ZFYVE28: variants seen among roughly 807,000 people sequenced by gnomAD.
ZFYVE28 encodes the protein lateral signaling target protein 2 homolog.
A neutral mutation model predicts 82.1 loss-of-function variants in ZFYVE28; 40 were observed. That is an observed-to-expected ratio of 0.49 (90% CI 0.38 to 0.63). ZFYVE28 has a LOEUF of 0.63. Ranked by LOEUF, ZFYVE28 falls within the 30% of genes least tolerant of loss-of-function variation. The pLI is 0.00. For synonymous variants in ZFYVE28, 612 were observed against 546.1 expected (o/e 1.12, Z -1.68); for missense variants, 1,321 against 1,242.1 (o/e 1.06, Z -0.96).
chr4:2,326,921 T>A (rs1719922289), intron 6 of ZFYVE28, among the ~76,000 whole-genome samples: 3 of 152,018 alleles, frequency 2.0e-5, no homozygotes, highest in Admixed American at 6.6e-5. Flanking sequence ...GTCCTAACAG[T>A]TTTTTTGGTG....
chr4:2,283,544 ATCCATCCATCCAACCATCCAACCG>A (rs1712272007), intron 8 of ZFYVE28, among the ~76,000 whole-genome samples: 1 of 150,774 alleles, frequency 6.6e-6, no homozygotes. Flanking sequence ...CCATCCATCC[ATCCATCCATCCAACCATCCAACCG>A]TCCATCCACC....
intron 1 of ZFYVE28, among the ~76,000 whole-genome samples, chr4:2,356,855 G>A (rs991074607): frequency 3.3e-5 from 5 of 152,174 alleles, no homozygotes; most frequent in Non-Finnish European, 7.3e-5. Context: ...ATGAGCAACT[G>A]GGCCCTTGAC....
At chr4:2,403,427 C>A (rs1731414198) in intron 1 of ZFYVE28, among the ~76,000 whole-genome samples, 1 of 152,372 alleles carries the variant, frequency 6.6e-6, no homozygotes, top group South Asian at 2.1e-4. Context: ...CGGAGCACGG[C>A]CCTGGCCATC....
chr4:2,349,309 T>C (rs914927338), intron 2 of ZFYVE28, among the ~76,000 whole-genome samples: 3 of 139,738 alleles, frequency 2.1e-5, no homozygotes, highest in Admixed American at 1.6e-4. Flanking sequence ...TAGGTGGGAA[T>C]TGAACAATGA....
intron 2 of ZFYVE28, chr4:2,342,652 GTA>G (rs1277166888): frequency 6.6e-6 from 1 of 152,196 alleles, no homozygotes. Context: ...AACACTTTGT[GTA>G]TATGAGGGAG....
chr4:2,328,991 T>C lies in ZFYVE28; in HGVS notation c.701+6714A>G, dbSNP rs2108845008. The C allele has an allele frequency of 8.1e-6, 5 of 620,076 alleles. No individual in the cohort carries two copies. In the South Asian group the frequency reaches 9.2e-5, roughly 11 times the overall value. 38.4% of individuals were successfully genotyped at this position (620,076 alleles called of 1,614,324 possible). A position where few individuals can be genotyped will look rare whatever the true frequency, so the allele number is the denominator to read the frequency against. Reference sequence around the variant, plus strand: ...TTTATTCCATTGGTCTATACATCTATCTTTATGCCAGTACCATAAGGTTTT... The same window carrying C: ...TTTATTCCATTGGTCTATACATCTACCTTTATGCCAGTACCATAAGGTTTT... On this transcript the variant is annotated intron_variant, in intron 6 of 12. Transcript: ENST00000290974.
intron 1 of ZFYVE28, among the ~76,000 whole-genome samples, chr4:2,413,123 T>C (rs1732692471): frequency 6.6e-6 from 1 of 152,186 alleles, no homozygotes; most frequent in Admixed American, 6.5e-5. Flanking sequence ...TTAATTGCCC[T>C]GCAAATGCCG....
rs372260747 is a variant in ZFYVE28 at position 2,341,629 on chromosome 4, C to G, written c.181-14G>C. On this transcript the variant is annotated splice_polypyrimidine_tract_variant and intron_variant, in intron 2 of 12. Transcript: ENST00000290974. This position sits in a 1 kb window ranked among gnomAD's most constrained non-coding sequence, Gnocchi z 4.5. ...CAACACATTGTCCTGAAACAGAAGA[C>G]AGGAGAAAGTGCGCCAATCGCTGTG... The G allele has an allele frequency of 6.3e-7, 1 of 1,597,238 alleles. No individual in the cohort carries two copies. Among genetic ancestry groups the G allele is most frequent in the African/African-American group, 1.3e-5 (1 of 74,662 alleles).
At chr4:2,351,967 C>G (rs1337884581) in intron 2 of ZFYVE28, among the ~76,000 whole-genome samples, 1 of 152,214 alleles carries the variant, frequency 6.6e-6, no homozygotes, top group Non-Finnish European at 1.5e-5. Flanking sequence ...AATTATCCCT[C>G]AGTACACGCA....
chr4:2,368,294 C>T (rs1054473894), intron 1 of ZFYVE28, among the ~76,000 whole-genome samples: 17 of 151,504 alleles, frequency 1.1e-4, no homozygotes, highest in African/African-American at 1.9e-4. Flanking sequence ...CTCAGCTACT[C>T]AGGAGGCTGA....
chr4:2,306,643 G>A (rs1187753271), intron 7 of ZFYVE28, among the ~76,000 whole-genome samples: 1 of 152,188 alleles, frequency 6.6e-6, no homozygotes. Flanking sequence ...CTTTTAAAAT[G>A]TCATTAGAAA....
intron 8 of ZFYVE28, among the ~76,000 whole-genome samples, chr4:2,291,133 G>A (rs766400854): frequency 1.3e-5 from 2 of 152,190 alleles, no homozygotes; most frequent in Non-Finnish European, 2.9e-5. Context: ...AAAGCTCTCT[G>A]AACAGAAGCC....
At chr4:2,302,872 C>T (rs1577981186) in intron 8 of ZFYVE28, among the ~76,000 whole-genome samples, 1 of 152,218 alleles carries the variant, frequency 6.6e-6, no homozygotes, top group Non-Finnish European at 1.5e-5. Context: ...AGGTCACACA[C>T]CACAGATGTT....
chr4:2,336,813 G>GT (rs2108856315), intron 5 of ZFYVE28, among the ~76,000 whole-genome samples: 1 of 117,134 alleles, frequency 8.5e-6, no homozygotes, highest in South Asian at 3.2e-4. Context: ...GAGGTGAGGA[G>GT]GTGTGGATTG....
rs150242683 is a variant in ZFYVE28 at position 2,273,268 on chromosome 4, G to A, written c.2228C>T (p.Thr743Met). ...ACTTCTCAGGTCACTGGCATAGTTC[G>A]TCTGCAGCTGGTCAGCCACACCTGA... is the stretch of plus-strand genomic sequence containing the variant. Reference protein sequence around the residue: ...CISGVADQLQTNYASDLRSIL... With the variant: ...CISGVADQLQMNYASDLRSIL... Residue 743 changes from threonine to methionine, a missense_variant, in exon 10 of 13, where the codon ACG becomes ATG. Coordinates refer to ENST00000290974, the MANE Select transcript of ZFYVE28 (RefSeq NM_020972.3). 245 of 1,612,572 alleles carry A rather than the reference G, an allele frequency of 1.5e-4. No homozygotes were observed. The highest frequency in any genetic ancestry group is 3.3e-4 in the Middle Eastern group (2 of 6,074).
Position 2,354,049 on chromosome 4 carries a change from G to A in ZFYVE28, c.64C>T (p.Arg22Trp), listed in dbSNP as rs1724878257. ...AGCTCCTCGTCGGCATAGTAGAACC[G>A]GGCAAGCAGCTGCGGATCCGACCTC... is the stretch of plus-strand genomic sequence containing the variant. ...PKRSDPQLLARFYYADEELNQ... is the reference protein window; with the variant it reads ...PKRSDPQLLAWFYYADEELNQ... Residue 22 changes from arginine (R) to tryptophan (W), a missense_variant, in exon 2 of 13, where the codon CGG becomes TGG. Physicochemically the swap from Arg to Trp is moderately radical, Grantham distance 101 (BLOSUM62 -3). Around this residue, in one of 2 missense-constraint regions of ZFYVE28, gnomAD observed 343 missense variants for 408.4 expected, o/e 0.84. Transcript: ENST00000290974. 7.6e-6 allele frequency: 12 copies of A among 1,574,094 alleles called. No individual in the cohort carries two copies. Among genetic ancestry groups the A allele is most frequent in the African/African-American group, 1.4e-5 (1 of 73,154 alleles).
At chr4:2,302,098 G>T (rs1399686340) in intron 8 of ZFYVE28, among the ~76,000 whole-genome samples, 1 of 152,252 alleles carries the variant, frequency 6.6e-6, no homozygotes, top group Non-Finnish European at 1.5e-5. Flanking sequence ...CGAGGTGGGG[G>T]CGAGTGCTTG....
In ZFYVE28 at chr4:2,290,231, G is replaced by A. The variant is rs138410791; in HGVS notation, c.2051+14058C>T. ...AGAGCAGCCCATATGGGGATGGCCC[G>A]GCAGTCCCCAGGACCATGCCACCTG... is the stretch of plus-strand genomic sequence containing the variant. On this transcript the variant is annotated intron_variant, in intron 8 of 12. Transcript: ENST00000290974. Among the ~76,000 whole-genome samples the A allele has an allele frequency of 3.2e-4, 48 of 152,324 alleles. 1 individual carries two copies. The highest frequency in any genetic ancestry group is 8.7e-4 in the African/African-American group (36 of 41,564).
chr4:2,381,796 G>T (rs558615483), intron 1 of ZFYVE28, among the ~76,000 whole-genome samples: 4 of 152,336 alleles, frequency 2.6e-5, no homozygotes, highest in Non-Finnish European at 5.9e-5. Flanking sequence ...GGAGCTGAAC[G>T]TTAATCCCCA....
Sources: gnomAD v4.1 joint callset for allele counts (sites outside exome capture counted in the v4.1 genomes callset) on GRCh38, gnomAD v4.1.1 for gene constraint, gnomAD v4.1.1 regional missense constraint, Gnocchi (gnomAD v3.1) non-coding constraint, MANE v1.5 for transcripts, NCBI Gene and HGNC (gene_info 2026-07-23, HGNC 2026-07-21) for gene names.